Variants in DNAH2 observed in about 807,000 individuals in gnomAD.
DNAH2 encodes axonemal beta dynein heavy chain 2.
DNAH2 carries 323 observed loss-of-function variants against 523.5 expected under a neutral mutation model. The ratio of observed to expected loss-of-function variants is 0.62; its 90% CI spans 0.56 to 0.68. DNAH2 has a LOEUF of 0.68. Ranked by LOEUF, DNAH2 falls within the 30% of genes least tolerant of loss-of-function variation. The probability of loss-of-function intolerance (pLI) is 0.00; values close to 1 mark genes in which losing one functional copy is unlikely to be tolerated. For synonymous variants in DNAH2, 2,093 were observed against 2,177.4 expected (o/e 0.96, Z 1.08); for missense variants, 4,907 against 5,701.5 (o/e 0.86, Z 4.49).
At position 7,764,229 on chromosome 17, in the gene DNAH2, C is replaced by G. The variant is rs2076089246; in HGVS notation, c.3292C>G (p.Gln1098Glu). The G allele has an allele frequency of 4.3e-6, 7 of 1,613,562 alleles. No individual in the cohort carries two copies. Among genetic ancestry groups the G allele is most frequent in the African/African-American group, 1.3e-5 (1 of 75,040 alleles). The change falls in exon 20 of 86, where the codon CAA becomes GAA. Residue 1098 changes from glutamine to glutamate, a missense_variant. Physicochemically the swap from Gln to Glu is conservative, Grantham distance 29. Around this residue, in one of 3 missense-constraint regions of DNAH2, gnomAD observed 2,806 missense variants for 3,190.8 expected, o/e 0.88. Transcript: ENST00000572933. ...VETQIPPIHE[Q>E]FAILEKYEVP... ...GACTCAGATCCCTCCCATACACGAG[C>G]AATTTGCCATTCTTGAAAAGTACGA...
Position 7,832,582 on chromosome 17 carries a change from T to C in DNAH2, c.12730T>C (p.Tyr4244His). 6.2e-7 allele frequency: 1 copy of C among 1,613,918 alleles called. No homozygotes were observed. Among genetic ancestry groups the C allele is most frequent in the Non-Finnish European group, 8.5e-7 (1 of 1,179,928 alleles). Residue 4244 changes from tyrosine (Y) to histidine (H), a missense_variant, in exon 83 of 86, where the codon TAC becomes CAC. This residue lies in a region of DNAH2 where 1,851 missense variants were observed against 2,139.4 expected (regional missense o/e 0.87). Coordinates refer to ENST00000572933, the MANE Select transcript of DNAH2 (RefSeq NM_020877.5). This position sits in a 1 kb window ranked among gnomAD's most constrained non-coding sequence, Gnocchi z 4.3. The stretch of plus-strand genomic sequence containing the variant: ...TACACACGCACTCCTTCCCCAGGCA[T>C]ACCCCTCACAAAAGCCATTGGCTGC... ...AHVPPLWGKA[Y>H]PSQKPLAAWT...
rs373668627 is a variant in DNAH2, at chr17:7,801,536, G to A, written c.8700-42G>A. 158 of 1,611,898 alleles carry A rather than the reference G, an allele frequency of 9.8e-5. No individual in the cohort carries two copies. The African/African-American group carries it at 1.8e-3, about 19-fold the overall frequency. On this transcript the variant is annotated intron_variant, in intron 56 of 85. Coordinates refer to ENST00000572933, the MANE Select transcript of DNAH2 (RefSeq NM_020877.5). ...TGGGAAGCCAGTACCTGGAGGCTGT[G>A]TCTGTGCACGGAATTTACAGCCTCT...
intron 42 of DNAH2, chr17:7,787,457 G>T (rs1003571947): frequency 2.0e-5 from 5 of 251,826 alleles, no homozygotes; most frequent in Non-Finnish European, 3.8e-5. Context: ...AAACTGGGCC[G>T]GGCCGGGTGG....
chr17:7,791,829 G>T, intron 44 of DNAH2, 88 bp from the exon 45 acceptor site: 1 of 1,330,640 alleles, frequency 7.5e-7, no homozygotes, highest in Non-Finnish European at 1.0e-6. Context: ...GAAGACCCAG[G>T]CTTTCCACAC....
Position 7,797,270 on chromosome 17 carries a change from C to G in DNAH2, c.7949+9C>G. The stretch of plus-strand genomic sequence containing the variant: ...ATCCATGAATGTTTCAGGTGACATG[C>G]ATGTGCCCTGGCCAAACGAAGGCTT... On this transcript the variant is annotated intron_variant, in intron 51 of 85. Transcript: ENST00000572933. 1 of 1,614,034 alleles carries G rather than the reference C, an allele frequency of 6.2e-7. No homozygotes were observed. Among genetic ancestry groups the G allele is most frequent in the Non-Finnish European group, 8.5e-7 (1 of 1,179,974 alleles).
At position 7,766,146 on chromosome 17, in the gene DNAH2, GT is replaced by G. The variant is rs1251514288; in HGVS notation, c.3512-167del. Among the ~76,000 whole-genome samples, 5 of 152,236 alleles carry G rather than the reference GT, an allele frequency of 3.3e-5. No homozygotes were observed. The East Asian group carries it at 9.6e-4, about 29-fold the overall frequency. On this transcript the variant is annotated intron_variant, in intron 21 of 85. Transcript: ENST00000572933. ...CCTGACTCTCAAGCCACATTTAGGA[GT>G]TTTTGCTAAGATTAACCGTTATTCT...
chr17:7,761,020 AG>A (rs2075990705), intron 18 of DNAH2, 88 bp downstream of exon 18: 1 of 1,494,760 alleles, frequency 6.7e-7, no homozygotes, highest in African/African-American at 1.4e-5. Flanking sequence ...GGAAGTGGGT[AG>A]GGGAGCTGAG....
At chr17:7,802,308 C>A (rs1234423385) in intron 58 of DNAH2, among the ~76,000 whole-genome samples, 1 of 152,204 alleles carries the variant, frequency 6.6e-6, no homozygotes, top group Admixed American at 6.5e-5. Context: ...TATACCCAGT[C>A]CTTTCCTGTC....
At position 7,821,472 on chromosome 17, in the gene DNAH2, C is replaced by G; in HGVS notation, c.11142+103C>G. ...ACCCAGAGGGTCAGGCCCACAGCAT[C>G]AGTGAGTGAGCTGAGAAAATCCAGG... is the stretch of plus-strand genomic sequence containing the variant. On this transcript the variant is annotated intron_variant, in intron 73 of 85. Coordinates refer to ENST00000572933, the MANE Select transcript of DNAH2 (RefSeq NM_020877.5). The surrounding 1 kb of genome is among the most constrained non-coding windows in gnomAD (Gnocchi z 5.0). 1 of 1,427,782 alleles carries G rather than the reference C, an allele frequency of 7.0e-7. No individual in the cohort carries two copies. Among genetic ancestry groups the G allele is most frequent in the Non-Finnish European group, 9.3e-7 (1 of 1,072,540 alleles). 88.4% of individuals were successfully genotyped at this position (1,427,782 alleles called of 1,614,324 possible). A position where few individuals can be genotyped will look rare whatever the true frequency, so the allele number is the denominator to read the frequency against.
intron 42 of DNAH2, 125 bp from the exon 43 acceptor site, chr17:7,787,735 T>TAAAA (rs34626825): frequency 8.4e-5 from 78 of 933,668 alleles, no homozygotes; most frequent in Middle Eastern, 7.7e-4. Context: ...GACTTTGTCT[T>TAAAA]AAAAAAAAAA....
intron 5 of DNAH2, among the ~76,000 whole-genome samples, chr17:7,733,721 C>G (rs975955227): frequency 6.6e-6 from 1 of 152,032 alleles, no homozygotes; most frequent in Non-Finnish European, 1.5e-5. Flanking sequence ...TCATGATCCA[C>G]CCGCCTTGGC....
At chr17:7,751,485 T>A (rs956047572) in intron 12 of DNAH2, among the ~76,000 whole-genome samples, 1 of 152,218 alleles carries the variant, frequency 6.6e-6, no homozygotes, top group Non-Finnish European at 1.5e-5. Flanking sequence ...TTTGATCCAT[T>A]TGAAATTTAT....
chr17:7,771,384 T>C lies in DNAH2; in HGVS notation c.4417T>C (p.Phe1473Leu), dbSNP rs2076310872. 1 of 1,614,080 alleles carries C rather than the reference T, an allele frequency of 6.2e-7. No homozygotes were observed. Among genetic ancestry groups the C allele is most frequent in the Admixed American group, 1.7e-5 (1 of 59,990 alleles). Residue 1473 changes from phenylalanine to leucine, a missense_variant, in exon 28 of 86, where the codon TTT becomes CTT. Coordinates refer to ENST00000572933, the MANE Select transcript of DNAH2 (RefSeq NM_020877.5). Reference protein sequence around the residue: ...RKQLPNESTLFDQVNSNWKAI... With the variant: ...RKQLPNESTLLDQVNSNWKAI... ...GCAGCTGCCCAATGAATCGACCTTA[T>C]TTGACCAGGTCAACAGCAACTGGAA... is the stretch of plus-strand genomic sequence containing the variant.
rs759660250 is a variant in DNAH2, at chr17:7,733,172, C to T, written c.485C>T (p.Thr162Met). The T allele has an allele frequency of 3.7e-5, 60 of 1,614,182 alleles. No homozygotes were observed. The highest frequency in any genetic ancestry group is 3.1e-4 in the East Asian group (14 of 44,878). Residue 162 changes from threonine (T) to methionine (M), a missense_variant, in exon 5 of 86, where the codon ACG becomes ATG. Coordinates refer to ENST00000572933, the MANE Select transcript of DNAH2 (RefSeq NM_020877.5). ...ENFEATVQFG[T>M]VRGPYIPALL... is the part of the protein sequence containing the mutation. ...TTCGAGGCAACTGTGCAGTTTGGGACGGTGCGGGGCCCCTATATCCCGGCC... is the reference window on the plus strand; with the variant it reads ...TTCGAGGCAACTGTGCAGTTTGGGATGGTGCGGGGCCCCTATATCCCGGCC...
chr17:7,821,219 C>T lies in DNAH2; in HGVS notation c.11016-24C>T. 1 of 1,608,188 alleles carries T rather than the reference C, an allele frequency of 6.2e-7. No individual in the cohort carries two copies. The highest frequency in any genetic ancestry group is 8.5e-7 in the Non-Finnish European group (1 of 1,176,030). On this transcript the variant is annotated intron_variant, in intron 72 of 85. Coordinates refer to ENST00000572933, the MANE Select transcript of DNAH2 (RefSeq NM_020877.5). This position sits in a 1 kb window ranked among gnomAD's most constrained non-coding sequence, Gnocchi z 5.0. The stretch of plus-strand genomic sequence containing the variant: ...AGCCCCCATTCCATGCTGCCCCTCC[C>T]TCTTCCCTGTCCCTTTCTCCCAGGT...
At chr17:7,777,761 C>T (rs2076496124) in intron 33 of DNAH2, 127 bp downstream of exon 33, 11 of 1,216,488 alleles carry the variant, frequency 9.0e-6, no homozygotes, top group Admixed American at 4.4e-5. Context: ...TACCCTAATC[C>T]GGTTCTTCCT....
intron 39 of DNAH2, among the ~76,000 whole-genome samples, chr17:7,784,366 A>G (rs2076679935): frequency 6.6e-6 from 1 of 152,216 alleles, no homozygotes; most frequent in African/African-American, 2.4e-5. Context: ...ATGGATATCT[A>G]TAGAAACTGG....
rs147908045 is a variant in DNAH2, at chr17:7,797,184, G to A, written c.7872G>A (p.Gln2624=). ...GTCAGTCCTCTTCCCAGGTGTTCCA[G>A]GGCATGCTTAGAGCCAACAAGGACT... The part of the protein sequence containing the change: ...FNLRDISKVF[Q]GMLRANKDFH... Residue 2624 remains glutamine (Q), a synonymous_variant, in exon 51 of 86, where the codon CAG becomes CAA. Transcript: ENST00000572933. The A allele has an allele frequency of 5.4e-4, 876 of 1,613,260 alleles. 1 individual carries two copies. Among genetic ancestry groups the A allele is most frequent in the Non-Finnish European group, 6.9e-4 (819 of 1,179,924 alleles).
rs925989517 is a variant in DNAH2 at position 7,798,900 on chromosome 17, C to T, written c.8559+182C>T. Among the ~76,000 whole-genome samples, 14 of 152,320 alleles carry T rather than the reference C, an allele frequency of 9.2e-5. No homozygotes were observed. Among genetic ancestry groups the T allele is most frequent in the African/African-American group, 2.9e-4 (12 of 41,568 alleles). On this transcript the variant is annotated intron_variant, in intron 55 of 85. Transcript: ENST00000572933. The surrounding 1 kb of genome is among the most constrained non-coding windows in gnomAD (Gnocchi z 5.5). ...ACCCTGGGCAGAGCTGCTTTAAAAC[C>T]CACGCTTCAGAGCCAGGCACAGTGG...
Sources: allele counts gnomAD v4.1 joint callset (sites outside exome capture counted in the v4.1 genomes callset), GRCh38; gene constraint gnomAD v4.1.1; regional missense constraint gnomAD v4.1.1; non-coding constraint Gnocchi (gnomAD v3.1); transcripts MANE v1.5; gene names NCBI Gene and HGNC (gene_info 2026-07-23, HGNC 2026-07-21).